ADGRB3: variants seen among roughly 807,000 people sequenced by gnomAD.
ADGRB3 encodes the protein brain-specific angiogenesis inhibitor 3.
In ADGRB3, 37 loss-of-function variants were observed where a neutral mutation model predicts 193.4. That is an observed-to-expected ratio of 0.19 (90% CI 0.15 to 0.25). ADGRB3 has a LOEUF of 0.25. Among genes scored for constraint, ADGRB3 ranks in the 10% least tolerant of loss-of-function variants. The probability of loss-of-function intolerance (pLI) is 1.00; values close to 1 mark genes in which losing one functional copy is unlikely to be tolerated. For missense variants in ADGRB3, 1,637 were observed against 1,852.9 expected (o/e 0.88, Z 2.14); for synonymous variants, 690 against 644.2 (o/e 1.07, Z -1.08).
At chr6:69,228,815 C>G (rs1766075492) in intron 17 of ADGRB3, among the ~76,000 whole-genome samples, 1 of 152,112 alleles carries the variant, frequency 6.6e-6, no homozygotes, top group Non-Finnish European at 1.5e-5. Context: ...CATTAAAATT[C>G]ACCTGGAAAT....
chr6:69,063,242 G>A (rs976051076), intron 16 of ADGRB3, among the ~76,000 whole-genome samples: 2 of 151,700 alleles, frequency 1.3e-5, no homozygotes, highest in Non-Finnish European at 2.9e-5. Flanking sequence ...ATCCAAATGA[G>A]TATATGTATT....
At chr6:68,851,889 G>A (rs76017597) in intron 3 of ADGRB3, among the ~76,000 whole-genome samples, 1 of 151,906 alleles carries the variant, frequency 6.6e-6, no homozygotes, top group Non-Finnish European at 1.5e-5. Flanking sequence ...TAGATTTCAC[G>A]GAGACGGTGA....
At chr6:68,762,019 T>A (rs1369869194) in intron 3 of ADGRB3, among the ~76,000 whole-genome samples, 2 of 152,134 alleles carry the variant, frequency 1.3e-5, no homozygotes, top group African/African-American at 4.8e-5. Flanking sequence ...AAATGAAAGT[T>A]TCGTGTAGTG....
chr6:69,320,797 CA>C (rs1368932525), intron 20 of ADGRB3, among the ~76,000 whole-genome samples: 1 of 143,982 alleles, frequency 6.9e-6, no homozygotes, highest in African/African-American at 2.5e-5. Context: ...AAGATTTCAT[CA>C]AAGTATATGT....
intron 17 of ADGRB3, among the ~76,000 whole-genome samples, chr6:69,190,944 C>A (rs9354826): frequency 0.13 from 16,501 of 126,308 alleles, 1,730 homozygotes; most frequent in East Asian, 0.56. Flanking sequence ...AGGCTATGTA[C>A]CCCAGGTTTG....
In ADGRB3 at chr6:68,978,950, A is replaced by G. The variant is rs542472063; in HGVS notation, c.1734+3610A>G. Among the ~76,000 whole-genome samples the G allele has an allele frequency of 8.6e-5, 13 of 151,546 alleles. No homozygotes were observed. The East Asian group carries it at 2.1e-3, about 25-fold the overall frequency. Reference sequence around the variant, plus strand: ...ATATGTGTATACCTACTTTATAAATATATAGCAATCACCTAAATTTGAAAT... The same window carrying G: ...ATATGTGTATACCTACTTTATAAATGTATAGCAATCACCTAAATTTGAAAT... On this transcript the variant is annotated intron_variant, in intron 10 of 31. Coordinates refer to ENST00000370598, the MANE Select transcript of ADGRB3 (RefSeq NM_001704.3).
At chr6:68,779,254 G>T (rs1766809202) in intron 3 of ADGRB3, among the ~76,000 whole-genome samples, 1 of 151,364 alleles carries the variant, frequency 6.6e-6, no homozygotes, top group Non-Finnish European at 1.5e-5. Context: ...GTGTGTGTGT[G>T]TGTGTGTAAC....
At chr6:69,346,312 G>A (rs1769087559) in intron 26 of ADGRB3, among the ~76,000 whole-genome samples, 2 of 152,266 alleles carry the variant, frequency 1.3e-5, no homozygotes, top group South Asian at 2.1e-4. Context: ...AAAGCTGGAG[G>A]CATCATGCTA....
In ADGRB3 at chr6:69,318,153, T is replaced by C. The variant is rs552568941; in HGVS notation, c.2815-6719T>C. Among the ~76,000 whole-genome samples, 7 of 151,554 alleles carry C rather than the reference T, an allele frequency of 4.6e-5. No individual in the cohort carries two copies. In the East Asian group the frequency reaches 1.2e-3, roughly 25 times the overall value. Reference sequence around the variant, plus strand: ...AGTGATGGTAGACATCTTCCTTTTTTTCATGACTGATGGACATTAATCTAG... The same window carrying C: ...AGTGATGGTAGACATCTTCCTTTTTCTCATGACTGATGGACATTAATCTAG... On this transcript the variant is annotated intron_variant, in intron 20 of 31. Coordinates refer to ENST00000370598, the MANE Select transcript of ADGRB3 (RefSeq NM_001704.3).
chr6:69,343,441 T>C (rs1191697514), intron 26 of ADGRB3, among the ~76,000 whole-genome samples: 1 of 151,176 alleles, frequency 6.6e-6, no homozygotes, highest in Non-Finnish European at 1.5e-5. Flanking sequence ...GGTGTTTGGT[T>C]TTTTGTTCTT....
At chr6:68,683,233 T>C (rs2127298984) in intron 3 of ADGRB3, among the ~76,000 whole-genome samples, 1 of 152,298 alleles carries the variant, frequency 6.6e-6, no homozygotes, top group Admixed American at 6.5e-5. Flanking sequence ...AATTCTGTTT[T>C]CAAGAATTTA....
At chr6:68,840,839 G>T (rs1001771384) in intron 3 of ADGRB3, among the ~76,000 whole-genome samples, 4 of 152,064 alleles carry the variant, frequency 2.6e-5, no homozygotes, top group Admixed American at 2.6e-4. Flanking sequence ...AAGACCTAAT[G>T]ATCTGTTGCC....
chr6:68,744,655 C>T lies in ADGRB3; in HGVS notation c.757+105223C>T, dbSNP rs186277198. ...CACAAAAACAGAAAACCAAACACCACATGTTCTCACTCATAAGTGGGAGTT... is the reference window on the plus strand; with the variant it reads ...CACAAAAACAGAAAACCAAACACCATATGTTCTCACTCATAAGTGGGAGTT... On this transcript the variant is annotated intron_variant, in intron 3 of 31. Coordinates refer to ENST00000370598, the MANE Select transcript of ADGRB3 (RefSeq NM_001704.3). Among the ~76,000 whole-genome samples the T allele has an allele frequency of 5.5e-3, 838 of 152,210 alleles. 4 individuals carry two copies. The highest frequency in any genetic ancestry group is 9.1e-3 in the Non-Finnish European group (620 of 68,020).
chr6:68,764,156 T>C (rs555735525), intron 3 of ADGRB3, among the ~76,000 whole-genome samples: 73 of 152,188 alleles, frequency 4.8e-4, no homozygotes, highest in South Asian at 1.2e-3. Flanking sequence ...TACTCTCTCA[T>C]GCGATCTCGA....
chr6:69,217,706 T>A (rs1054019035), intron 17 of ADGRB3, among the ~76,000 whole-genome samples: 11 of 152,142 alleles, frequency 7.2e-5, no homozygotes, highest in African/African-American at 2.4e-4. Context: ...TGTAAGCATG[T>A]TCTCTCCTTT....
Position 68,944,118 on chromosome 6 carries a change from T to A in ADGRB3, c.1195+124T>A, listed in dbSNP as rs181124879. On this transcript the variant is annotated intron_variant, in intron 6 of 31. Coordinates refer to ENST00000370598, the MANE Select transcript of ADGRB3 (RefSeq NM_001704.3). ...ACGTTGGGAAATGTGTCCTTTTCATTGTATCTTGCCTAAAACTGGGTACTT... is the reference window on the plus strand; with the variant it reads ...ACGTTGGGAAATGTGTCCTTTTCATAGTATCTTGCCTAAAACTGGGTACTT... The A allele has an allele frequency of 2.0e-4, 214 of 1,076,926 alleles. 1 individual carries two copies. In the African/African-American group the frequency reaches 3.3e-3, roughly 16 times the overall value. The allele number at this position is 1,076,926 out of a possible 1,614,324, so 66.7% of individuals were successfully genotyped here. A position where few individuals can be genotyped will look rare whatever the true frequency, so the allele number is the denominator to read the frequency against.
At chr6:68,721,081 A>T (rs1282255738) in intron 3 of ADGRB3, among the ~76,000 whole-genome samples, 1 of 151,804 alleles carries the variant, frequency 6.6e-6, no homozygotes, top group Non-Finnish European at 1.5e-5. Context: ...TTCCTCAGGG[A>T]TCTAGAACTA....
intron 6 of ADGRB3, among the ~76,000 whole-genome samples, chr6:68,953,626 C>T (rs1767990197): frequency 6.6e-6 from 1 of 152,140 alleles, no homozygotes; most frequent in East Asian, 1.9e-4. Context: ...AAATAGACTA[C>T]ATAACCAATA....
At chr6:69,153,226 G>GA (rs1203948599) in intron 17 of ADGRB3, among the ~76,000 whole-genome samples, 1 of 152,006 alleles carries the variant, frequency 6.6e-6, no homozygotes, top group East Asian at 1.9e-4. Flanking sequence ...ACCCATGGCA[G>GA]AAAAAAAGAG....
Sources: gnomAD v4.1 joint callset for allele counts (sites outside exome capture counted in the v4.1 genomes callset) on GRCh38, gnomAD v4.1.1 for gene constraint, MANE v1.5 for transcripts, NCBI Gene and HGNC (gene_info 2026-07-23, HGNC 2026-07-21) for gene names.